The following ZNF385D variants were observed in gnomAD, a reference collection of about 807,000 sequenced individuals.
ZNF385D encodes zinc finger protein 385D.
In ZNF385D, 15 loss-of-function variants were observed where a neutral mutation model predicts 35.8. The observed-to-expected ratio is 0.42, with a 90% CI of 0.28 to 0.64. ZNF385D has a LOEUF of 0.64. ZNF385D is among the 30% of genes least tolerant of loss of function. ZNF385D has a pLI of 0.23. For missense variants in ZNF385D, 474 were observed against 494.6 expected (o/e 0.96, Z 0.39); for synonymous variants, 212 against 186.8 (o/e 1.13, Z -1.10).
chr3:21,740,640 A>G (rs886511226), intron 1 of ZNF385D, among the ~76,000 whole-genome samples: 2 of 152,114 alleles, frequency 1.3e-5, no homozygotes, highest in African/African-American at 4.8e-5. Context: ...CATGCCATAC[A>G]CTGATTTCCG....
At chr3:21,720,073 C>T (rs2068477611) in intron 1 of ZNF385D, among the ~76,000 whole-genome samples, 1 of 152,144 alleles carries the variant, frequency 6.6e-6, no homozygotes, top group Non-Finnish European at 1.5e-5. Context: ...TGAAAAAATA[C>T]TAATGCCCAG....
intron 3 of ZNF385D, among the ~76,000 whole-genome samples, chr3:21,933,385 A>C (rs1406209349): frequency 1.3e-5 from 2 of 152,136 alleles, no homozygotes; most frequent in African/African-American, 4.8e-5. Flanking sequence ...GTACATTTGA[A>C]ATCATGTAAC....
intron 4 of ZNF385D, among the ~76,000 whole-genome samples, chr3:21,474,099 C>T (rs950259631): frequency 8.2e-6 from 1 of 122,414 alleles, no homozygotes; most frequent in Non-Finnish European, 1.7e-5. Flanking sequence ...CTAGTACCTT[C>T]GAGAACACGT....
intron 7 of ZNF385D, among the ~76,000 whole-genome samples, chr3:21,422,537 A>G (rs1166749142): frequency 2.0e-5 from 3 of 152,112 alleles, no homozygotes; most frequent in Non-Finnish European, 2.9e-5. Flanking sequence ...GAGACAAAAC[A>G]AAAAAACAAA....
chr3:21,850,901 C>T (rs1407336750), intron 3 of ZNF385D, among the ~76,000 whole-genome samples: 1 of 151,914 alleles, frequency 6.6e-6, no homozygotes, highest in Non-Finnish European at 1.5e-5. Context: ...ACTGAACATT[C>T]TTTAAAGAAA....
At chr3:21,707,066 A>G (rs2067932760) in intron 1 of ZNF385D, among the ~76,000 whole-genome samples, 1 of 152,182 alleles carries the variant, frequency 6.6e-6, no homozygotes, top group South Asian at 2.1e-4. Context: ...ATGTGATTCA[A>G]ATTTGAGTGG....
At chr3:22,134,457 C>T (rs898434846) in intron 3 of ZNF385D, 1 of 152,056 alleles carries the variant, frequency 6.6e-6, no homozygotes, top group Non-Finnish European at 1.5e-5. Flanking sequence ...AACTACTAGA[C>T]AGAAAATCTG....
intron 3 of ZNF385D, among the ~76,000 whole-genome samples, chr3:22,136,091 T>C (rs1342532744): frequency 6.6e-6 from 1 of 152,010 alleles, no homozygotes; most frequent in Non-Finnish European, 1.5e-5. Context: ...AAAAGGATAA[T>C]CCGTATAAGA....
intron 3 of ZNF385D, among the ~76,000 whole-genome samples, chr3:21,550,201 T>C (rs922432234): frequency 3.3e-5 from 5 of 152,160 alleles, no homozygotes; most frequent in African/African-American, 1.2e-4. Flanking sequence ...ACAACCATTA[T>C]TGGTTTTTGT....
chr3:22,254,701 TAAC>T (rs902051517), intron 2 of ZNF385D, among the ~76,000 whole-genome samples: 4 of 151,926 alleles, frequency 2.6e-5, no homozygotes, highest in African/African-American at 7.2e-5. Context: ...AGGAAGGGAT[TAAC>T]AACAACTAAT....
chr3:22,349,010 T>C (rs1695794676), intron 2 of ZNF385D, among the ~76,000 whole-genome samples: 1 of 152,238 alleles, frequency 6.6e-6, no homozygotes, highest in Non-Finnish European at 1.5e-5. Context: ...ATGCTAATTG[T>C]TCTATTCATG....
chr3:21,796,584 C>A (rs1023754133), intron 3 of ZNF385D, among the ~76,000 whole-genome samples: 4 of 152,096 alleles, frequency 2.6e-5, no homozygotes, highest in Non-Finnish European at 4.4e-5. Context: ...TACACACAGA[C>A]CTTCAGACCT....
chr3:21,753,761 TTGG>T (rs201049599), upstream of ZNF385D, among the ~76,000 whole-genome samples: 24 of 79,410 alleles, frequency 3.0e-4, no homozygotes, highest in African/African-American at 8.9e-4. Flanking sequence ...AAATGCAACT[TTGG>T]TGGTTGTTGT....
chr3:21,649,939 TCA>T (rs1470304174), intron 2 of ZNF385D, among the ~76,000 whole-genome samples: 1 of 152,130 alleles, frequency 6.6e-6, no homozygotes, highest in African/African-American at 2.4e-5. Flanking sequence ...ATTGCCAGTG[TCA>T]GTTCAATATC....
At position 22,248,497 on chromosome 3, in the gene ZNF385D, T is replaced by C. The variant is rs150099228; in HGVS notation, c.107-79462A>G. On this transcript the variant is annotated intron_variant, in intron 2 of 5. Transcript: ENST00000494108. ...AGGAAATCATACAACTCATTATTTA[T>C]ATACAATTTAGACAAAGTCCATTAT... 4.0e-3 allele frequency among the ~76,000 whole-genome samples: 614 copies of C among 152,304 alleles called. 6 individuals are homozygous for C. Among genetic ancestry groups the C allele is most frequent in the African/African-American group, 0.014 (589 of 41,566 alleles).
At chr3:22,305,687 A>C (rs1286974645) in intron 2 of ZNF385D, among the ~76,000 whole-genome samples, 1 of 152,176 alleles carries the variant, frequency 6.6e-6, no homozygotes, top group Non-Finnish European at 1.5e-5. Flanking sequence ...TGGCCTAAGC[A>C]AGTCACACGG....
At chr3:22,122,810 T>C (rs546251759) in intron 3 of ZNF385D, among the ~76,000 whole-genome samples, 1 of 152,268 alleles carries the variant, frequency 6.6e-6, no homozygotes, top group Admixed American at 6.5e-5. Flanking sequence ...GAAAATACTT[T>C]AAACAGAGGC....
intron 3 of ZNF385D, among the ~76,000 whole-genome samples, chr3:21,794,090 A>G (rs922244155): frequency 2.6e-5 from 4 of 152,174 alleles, no homozygotes; most frequent in South Asian, 2.1e-4. Context: ...TACTGCTGAC[A>G]GTGTCATCAA....
At chr3:21,958,730 A>G (rs1702419877) in intron 3 of ZNF385D, 1 of 151,656 alleles carries the variant, frequency 6.6e-6, no homozygotes, top group Non-Finnish European at 1.5e-5. Context: ...AAAAATTCAA[A>G]TAAATATTAA....
Sources: gnomAD v4.1 joint callset for allele counts (sites outside exome capture counted in the v4.1 genomes callset) on GRCh38, gnomAD v4.1.1 for gene constraint, MANE v1.5 for transcripts, NCBI Gene and HGNC (gene_info 2026-07-23, HGNC 2026-07-21) for gene names.